The following RTN4RL1 variants were observed in gnomAD, a reference collection of about 807,000 sequenced individuals.
RTN4RL1 encodes the protein reticulon 4 receptor like 1, also known as reticulon-4 receptor-like 1.
A neutral mutation model predicts 25.6 loss-of-function variants in RTN4RL1; 7 were observed. The ratio of observed to expected loss-of-function variants is 0.27; its 90% CI spans 0.16 to 0.51. The LOEUF (loss-of-function observed/expected upper bound fraction) is 0.51. Among genes scored for constraint, RTN4RL1 ranks in the 20% least tolerant of loss-of-function variants. The pLI, the probability that RTN4RL1 is intolerant of heterozygous loss-of-function variation, is 0.97. For synonymous variants in RTN4RL1, 297 were observed against 288.2 expected, an observed-to-expected ratio of 1.03 and a Z score of -0.31; for missense variants, 500 against 615.6, an observed-to-expected ratio of 0.81 and a Z score of 1.99.
chr17:1,961,872 C>T (rs1048261744), intron 1 of RTN4RL1, among the ~76,000 whole-genome samples: 7 of 147,534 alleles, frequency 4.7e-5, no homozygotes, highest in Admixed American at 6.8e-5. Context: ...CGCTCGAACC[C>T]GGGAGGTGGA....
intron 1 of RTN4RL1, 91 bp from the exon 2 acceptor site, chr17:1,937,899 G>A (rs988577272): frequency 6.9e-5 from 72 of 1,047,650 alleles, no homozygotes; most frequent in East Asian, 4.6e-4. Context: ...ACGCATCCTC[G>A]TCTTGGCTGA....
In RTN4RL1 at chr17:1,998,884, C is replaced by T. The variant is rs1288287640; in HGVS notation, c.13+25969G>A. Among the ~76,000 whole-genome samples, 2 of 151,882 alleles carry T rather than the reference C, an allele frequency of 1.3e-5. No individual in the cohort carries two copies. Among genetic ancestry groups the T allele is most frequent in the African/African-American group, 4.9e-5 (2 of 41,188 alleles). ...GACGACCCCGGAGCCCCTTTATTCTCTACGCGCTCATCCCACGCGCAGAAC... is the reference window on the plus strand; with the variant it reads ...GACGACCCCGGAGCCCCTTTATTCTTTACGCGCTCATCCCACGCGCAGAAC... On this transcript the variant is annotated intron_variant, in intron 1 of 1. Transcript: ENST00000331238. The surrounding 1 kb of genome is among the most constrained non-coding windows in gnomAD (Gnocchi z 4.9).
intron 1 of RTN4RL1, among the ~76,000 whole-genome samples, chr17:1,951,184 G>A (rs1915668529): frequency 6.6e-6 from 1 of 151,720 alleles, no homozygotes; most frequent in African/African-American, 2.4e-5. Context: ...AGAATGGCAT[G>A]AACCTGGTAG....
At chr17:1,952,000 A>C (rs190376457) in intron 1 of RTN4RL1, among the ~76,000 whole-genome samples, 9 of 152,282 alleles carry the variant, frequency 5.9e-5, no homozygotes, top group Admixed American at 5.2e-4. Flanking sequence ...CTAATGGCTC[A>C]GGGACAGCAG....
At chr17:1,997,445 A>G (rs1056381561) in intron 1 of RTN4RL1, among the ~76,000 whole-genome samples, 1 of 152,226 alleles carries the variant, frequency 6.6e-6, no homozygotes, top group Non-Finnish European at 1.5e-5. Context: ...ATCTGAAATC[A>G]TCGCATGTGT....
intron 1 of RTN4RL1, among the ~76,000 whole-genome samples, chr17:1,975,753 T>A (rs1433857016): frequency 2.0e-5 from 3 of 152,164 alleles, no homozygotes; most frequent in Non-Finnish European, 4.4e-5. Context: ...GGCCACATCA[T>A]CTCACTGAAC....
At chr17:2,001,941 G>GGAGGT (rs2066960777) in intron 1 of RTN4RL1, among the ~76,000 whole-genome samples, 1 of 152,100 alleles carries the variant, frequency 6.6e-6, no homozygotes, top group Non-Finnish European at 1.5e-5. Flanking sequence ...GGAGGGGAGG[G>GGAGGT]GAGGGAGTGG....
At chr17:2,014,379 C>T (rs1467748298) in intron 1 of RTN4RL1, among the ~76,000 whole-genome samples, 1 of 152,182 alleles carries the variant, frequency 6.6e-6, no homozygotes, top group Non-Finnish European at 1.5e-5. Context: ...CAGAGCCCCA[C>T]AGAGCTCTCA....
At chr17:2,009,281 G>A (rs1276154379) in intron 1 of RTN4RL1, among the ~76,000 whole-genome samples, 1 of 152,240 alleles carries the variant, frequency 6.6e-6, no homozygotes, top group South Asian at 2.1e-4. Flanking sequence ...TCAACAAGGG[G>A]AAACCCTGTC....
At chr17:1,940,300 G>A (rs931151233) in intron 1 of RTN4RL1, among the ~76,000 whole-genome samples, 4 of 152,280 alleles carry the variant, frequency 2.6e-5, no homozygotes, top group South Asian at 2.1e-4. Flanking sequence ...TGACTTCAGC[G>A]GTGGCGGTGG....
intron 1 of RTN4RL1, among the ~76,000 whole-genome samples, chr17:2,012,225 C>T (rs2067059187): frequency 6.6e-6 from 1 of 152,204 alleles, no homozygotes; most frequent in Admixed American, 6.5e-5. Flanking sequence ...CCAAGTACAA[C>T]CCTAAACTTT....
At chr17:1,947,360 G>C (rs1915578512) in intron 1 of RTN4RL1, among the ~76,000 whole-genome samples, 1 of 152,216 alleles carries the variant, frequency 6.6e-6, no homozygotes, top group Non-Finnish European at 1.5e-5. Flanking sequence ...CTGTGGATAG[G>C]GTGGCGGCCC....
intron 1 of RTN4RL1, among the ~76,000 whole-genome samples, chr17:2,014,289 C>T (rs763286863): frequency 3.3e-5 from 5 of 152,170 alleles, no homozygotes; most frequent in Non-Finnish European, 7.3e-5. Context: ...TCATGGAACT[C>T]ACCAACTGGC....
intron 1 of RTN4RL1, among the ~76,000 whole-genome samples, chr17:1,981,666 G>A (rs2066867904): frequency 6.6e-6 from 1 of 152,188 alleles, no homozygotes; most frequent in Non-Finnish European, 1.5e-5. Flanking sequence ...CTGAGCTGTG[G>A]CTGACGTGCT....
Position 1,978,702 on chromosome 17 carries a change from G to C in RTN4RL1, c.14-40894C>G, listed in dbSNP as rs899449496. On this transcript the variant is annotated intron_variant, in intron 1 of 1. Coordinates refer to ENST00000331238, the MANE Select transcript of RTN4RL1 (RefSeq NM_178568.4). ...GTGCGCACGGAGCATGGAGCGTGGT[G>C]CTTAGCAAATAGCCCTCCATTCAGC... 3.3e-5 allele frequency among the ~76,000 whole-genome samples: 5 copies of C among 152,330 alleles called. No individual in the cohort carries two copies. The South Asian group carries it at 6.2e-4, about 19-fold the overall frequency.
At chr17:1,952,285 C>A (rs956669767) in intron 1 of RTN4RL1, among the ~76,000 whole-genome samples, 1 of 147,256 alleles carries the variant, frequency 6.8e-6, no homozygotes, top group Non-Finnish European at 1.5e-5. Context: ...TGAGGGGCAG[C>A]GGAGAAACGG....
intron 1 of RTN4RL1, among the ~76,000 whole-genome samples, chr17:1,942,093 G>C (rs1391138333): frequency 6.6e-6 from 1 of 152,118 alleles, no homozygotes; most frequent in Non-Finnish European, 1.5e-5. Flanking sequence ...GTGGGCCAGG[G>C]GTGGCTCTGC....
Position 1,935,524 on chromosome 17 carries a change from G to A in RTN4RL1, c.*972C>T. The A allele has an allele frequency of 1.0e-6, 1 of 985,366 alleles. No individual in the cohort carries two copies. The highest frequency in any genetic ancestry group is 1.2e-6 in the Non-Finnish European group (1 of 829,662). 61.0% of individuals were successfully genotyped at this position (985,366 alleles called of 1,614,324 possible). ...GCCGACACCTTGCCCCAGGCCCTTG[G>A]CAAGGCCAGGTCCCTTGGAGACTAT... On this transcript the variant is annotated 3_prime_UTR_variant, in exon 2 of 2. Transcript: ENST00000331238.
At chr17:2,001,942 G>A (rs1043519451) in intron 1 of RTN4RL1, among the ~76,000 whole-genome samples, 4 of 151,892 alleles carry the variant, frequency 2.6e-5, no homozygotes, top group East Asian at 1.9e-4. Context: ...GAGGGGAGGG[G>A]AGGGAGTGGG....
Sources: gnomAD v4.1 joint callset for allele counts (sites outside exome capture counted in the v4.1 genomes callset) on GRCh38, gnomAD v4.1.1 for gene constraint, Gnocchi (gnomAD v3.1) non-coding constraint, MANE v1.5 for transcripts, NCBI Gene and HGNC (gene_info 2026-07-23, HGNC 2026-07-21) for gene names.